Variants in DLG2 observed in about 807,000 individuals in gnomAD.
The protein encoded by DLG2 is disks large homolog 2.
In DLG2, 45 loss-of-function variants were observed where a neutral mutation model predicts 132.5. That is an observed-to-expected ratio of 0.34 (90% CI 0.27 to 0.44). The LOEUF (loss-of-function observed/expected upper bound fraction) is 0.44, where lower values mean the gene tolerates loss of function less well. Ranked by LOEUF, DLG2 falls within the 20% of genes least tolerant of loss-of-function variation. The pLI is 1.00. For missense variants in DLG2, 1,045 were observed against 1,196.9 expected, an observed-to-expected ratio of 0.87 and a Z score of 1.87; for synonymous variants, 424 against 419.6, an observed-to-expected ratio of 1.01 and a Z score of -0.13.
At chr11:85,400,859 C>A (rs1320513931) in intron 3 of DLG2, among the ~76,000 whole-genome samples, 1 of 151,100 alleles carries the variant, frequency 6.6e-6, no homozygotes, top group Non-Finnish European at 1.5e-5. Context: ...GTGCAGCACA[C>A]CAGCATGGCA....
intron 6 of DLG2, among the ~76,000 whole-genome samples, chr11:84,841,256 GA>G (rs2080637786): frequency 6.6e-6 from 1 of 151,954 alleles, no homozygotes; most frequent in Admixed American, 6.6e-5. Context: ...TAAGAAAGGA[GA>G]AGGGGATGAG....
intron 7 of DLG2, among the ~76,000 whole-genome samples, chr11:84,314,013 C>CA (rs1453020477): frequency 6.6e-6 from 1 of 152,188 alleles, no homozygotes; most frequent in Non-Finnish European, 1.5e-5. Flanking sequence ...AACATAATGA[C>CA]AGAGTCCTGT....
intron 3 of DLG2, among the ~76,000 whole-genome samples, chr11:85,565,574 C>G (rs968622426): frequency 6.6e-6 from 1 of 152,070 alleles, no homozygotes; most frequent in East Asian, 1.9e-4. Flanking sequence ...GATTTGCCTA[C>G]AGCAGACATT....
chr11:84,185,950 T>G (rs1446328593), intron 8 of DLG2, among the ~76,000 whole-genome samples: 1 of 152,164 alleles, frequency 6.6e-6, no homozygotes, highest in African/African-American at 2.4e-5. Context: ...AAACTCTTCG[T>G]TATCAGTTCT....
intron 3 of DLG2, among the ~76,000 whole-genome samples, chr11:85,591,442 T>G (rs1329156636): frequency 1.3e-5 from 2 of 152,152 alleles, no homozygotes; most frequent in African/African-American, 2.4e-5. Context: ...AAATGTCACT[T>G]CCTTAAGAAA....
chr11:83,998,137 A>C (rs1251579052), intron 11 of DLG2, among the ~76,000 whole-genome samples: 2 of 152,094 alleles, frequency 1.3e-5, no homozygotes, highest in African/African-American at 4.8e-5. Context: ...CCCCATCTCA[A>C]AAAAAAGAAA....
At chr11:85,161,295 G>A (rs1268182144) in intron 4 of DLG2, among the ~76,000 whole-genome samples, 1 of 152,224 alleles carries the variant, frequency 6.6e-6, no homozygotes, top group Non-Finnish European at 1.5e-5. Flanking sequence ...GGCCATGGTG[G>A]TAGGGTTGGA....
intron 6 of DLG2, among the ~76,000 whole-genome samples, chr11:84,958,554 A>G (rs1440736689): frequency 6.6e-6 from 1 of 152,188 alleles, no homozygotes; most frequent in African/African-American, 2.4e-5. Flanking sequence ...TGATCTTTCA[A>G]TCACCATTAT....
At chr11:85,596,927 G>T (rs2079814928) in intron 3 of DLG2, among the ~76,000 whole-genome samples, 2 of 152,206 alleles carry the variant, frequency 1.3e-5, no homozygotes, top group Admixed American at 6.5e-5. Context: ...TTGCTCTCTT[G>T]TTTGCACTCT....
chr11:85,045,492 A>T (rs1389455537), intron 6 of DLG2, among the ~76,000 whole-genome samples: 2 of 151,998 alleles, frequency 1.3e-5, no homozygotes, highest in African/African-American at 4.8e-5. Context: ...GTTTTCCTAA[A>T]TTTTCATTAC....
At chr11:85,021,637 G>C (rs553789887) in intron 6 of DLG2, 198 of 1,235,100 alleles carry the variant, frequency 1.6e-4, no homozygotes, top group Non-Finnish European at 2.0e-4. Context: ...TGTCTTGTTG[G>C]TAACGTTGCT....
chr11:83,765,187 G>A (rs763336186), intron 18 of DLG2, among the ~76,000 whole-genome samples: 2 of 152,160 alleles, frequency 1.3e-5, no homozygotes, highest in Non-Finnish European at 2.9e-5. Context: ...ATAGCTATAT[G>A]TCAAATGAAT....
At chr11:83,567,934 G>A (rs746206725) in intron 19 of DLG2, among the ~76,000 whole-genome samples, 1 of 152,120 alleles carries the variant, frequency 6.6e-6, no homozygotes, top group Admixed American at 6.6e-5. Flanking sequence ...AGAGTATTTT[G>A]TGTATCCTGC....
At chr11:85,294,420 G>C (rs1376808478) in intron 3 of DLG2, among the ~76,000 whole-genome samples, 1 of 152,050 alleles carries the variant, frequency 6.6e-6, no homozygotes, top group African/African-American at 2.4e-5. Context: ...CATGGAAGAG[G>C]TAGAAGATCA....
chr11:83,876,079 G>T (rs1363575667), intron 15 of DLG2, among the ~76,000 whole-genome samples: 1 of 152,112 alleles, frequency 6.6e-6, no homozygotes, highest in African/African-American at 2.4e-5. Context: ...TAGCCAGACT[G>T]CCTGGCTCAA....
chr11:83,979,448 A>G (rs1197626857), intron 12 of DLG2, among the ~76,000 whole-genome samples: 1 of 152,196 alleles, frequency 6.6e-6, no homozygotes, highest in Non-Finnish European at 1.5e-5. Context: ...TTAATTTACA[A>G]TATTCGATTA....
chr11:85,524,461 A>T (rs142588460), intron 3 of DLG2, among the ~76,000 whole-genome samples: 27 of 152,226 alleles, frequency 1.8e-4, no homozygotes, highest in African/African-American at 5.8e-4. Flanking sequence ...ATATTGAGTT[A>T]AGGAGCTAGG....
chr11:84,704,319 G>A (rs1277277977), intron 6 of DLG2, among the ~76,000 whole-genome samples: 2 of 151,494 alleles, frequency 1.3e-5, no homozygotes, highest in African/African-American at 4.8e-5. Flanking sequence ...CTTCTGTAAA[G>A]TATTTAAAAG....
intron 3 of DLG2, among the ~76,000 whole-genome samples, chr11:85,549,421 A>G (rs982080898): frequency 1.3e-5 from 2 of 152,230 alleles, no homozygotes; most frequent in Non-Finnish European, 2.9e-5. Context: ...AGCTGTTCCT[A>G]TTCGGCCATC....
Sources: gnomAD v4.1 joint callset for allele counts (sites outside exome capture counted in the v4.1 genomes callset) on GRCh38, gnomAD v4.1.1 for gene constraint, MANE v1.5 for transcripts, NCBI Gene and HGNC (gene_info 2026-07-23, HGNC 2026-07-21) for gene names.